The following CDH23 variants were observed in gnomAD, a reference collection of about 807,000 sequenced individuals.
CDH23 encodes cadherin-23.
In CDH23, 189 loss-of-function variants were observed where a neutral mutation model predicts 317.1. The ratio of observed to expected loss-of-function variants is 0.60; its 90% CI spans 0.53 to 0.67. The LOEUF is 0.67. Among genes scored for constraint, CDH23 ranks in the 30% least tolerant of loss-of-function variants. CDH23 has a pLI of 0.00. For synonymous variants in CDH23, 1,839 were observed against 1,876.8 expected, an observed-to-expected ratio of 0.98 and a Z score of 0.52; for missense variants, 4,401 against 4,592.4, an observed-to-expected ratio of 0.96 and a Z score of 1.20.
At chr10:71,767,655 C>T (rs749477486) in intron 38 of CDH23, among the ~76,000 whole-genome samples, 13 of 152,202 alleles carry the variant, frequency 8.5e-5, no homozygotes, top group Non-Finnish European at 1.6e-4. Flanking sequence ...ACTGGGGCTG[C>T]CAAGGCTAAG....
intron 11 of CDH23, among the ~76,000 whole-genome samples, chr10:71,619,646 G>A: frequency 6.6e-6 from 1 of 152,222 alleles, no homozygotes. Context: ...TATGGTGAGA[G>A]GGGCCTAGGG....
At chr10:71,662,736 A>T (rs1382844097) in intron 14 of CDH23, among the ~76,000 whole-genome samples, 1 of 152,136 alleles carries the variant, frequency 6.6e-6, no homozygotes, top group African/African-American at 2.4e-5. Flanking sequence ...GTCCTTTCTG[A>T]CTGTGAGCTT....
At position 71,806,041 on chromosome 10, in the gene CDH23, C is replaced by A. The variant is rs1260091083; in HGVS notation, c.8064+44C>A. ...GCGAGGGGCGGGGTCTGGGGCGGGG[C>A]TTTCTTCTGGGGGCGGGTCTTGCAC... On this transcript the variant is annotated intron_variant, in intron 56 of 69. Transcript: ENST00000224721. 5.8e-6 allele frequency: 9 copies of A among 1,539,868 alleles called. No homozygotes were observed. In the East Asian group the frequency reaches 9.6e-5, roughly 16 times the overall value.
chr10:71,667,392 G>A (rs12414254), intron 14 of CDH23, among the ~76,000 whole-genome samples: 6,186 of 101,938 alleles, frequency 0.061, 501 homozygotes, highest in African/African-American at 0.18. Context: ...GTGTGTGTGT[G>A]TGTGCGCGTG....
intron 9 of CDH23, among the ~76,000 whole-genome samples, chr10:71,600,168 A>C (rs1860125442): frequency 6.6e-6 from 1 of 151,742 alleles, no homozygotes; most frequent in Non-Finnish European, 1.5e-5. Flanking sequence ...ACACCCGGCT[A>C]ATTTTGTACT....
At chr10:71,612,981 T>C (rs1333350968) in intron 9 of CDH23, among the ~76,000 whole-genome samples, 12 of 152,192 alleles carry the variant, frequency 7.9e-5, no homozygotes. Context: ...CCTGAGTAGC[T>C]GGAATTACAG....
chr10:71,510,595 T>G (rs1853912772), intron 4 of CDH23, among the ~76,000 whole-genome samples: 1 of 152,048 alleles, frequency 6.6e-6, no homozygotes, highest in African/African-American at 2.4e-5. Context: ...CTTAGCAAGT[T>G]AAGGTAAAGA....
chr10:71,694,214 A>C lies in CDH23; in HGVS notation c.2244A>C (p.Ala748=). Residue 748 remains alanine (A), a synonymous_variant, in exon 21 of 70, where the codon GCA becomes GCC. Transcript: ENST00000224721. ...TKSEYILIVR[A]VDGGVGHNQK... ...CTGAATACATCCTCATCGTTCGCGC[A>C]GTGGACGGGGGTGTGGGCCACAACC... The C allele has an allele frequency of 6.2e-7, 1 of 1,613,654 alleles. No individual in the cohort carries two copies. Among genetic ancestry groups the C allele is most frequent in the Non-Finnish European group, 8.5e-7 (1 of 1,179,830 alleles).
At chr10:71,581,898 A>AC (rs894177660) in intron 9 of CDH23, among the ~76,000 whole-genome samples, 10 of 151,726 alleles carry the variant, frequency 6.6e-5, no homozygotes, top group East Asian at 1.9e-4. Context: ...AGCTGCACTC[A>AC]CCCCCCCAAC....
At chr10:71,539,635 T>C (rs1855884513) in intron 6 of CDH23, among the ~76,000 whole-genome samples, 1 of 152,088 alleles carries the variant, frequency 6.6e-6, no homozygotes. Context: ...CTCTCCTCCT[T>C]GGAGAACTAT....
chr10:71,762,027 C>A, intron 38 of CDH23: 1 of 1,592,594 alleles, frequency 6.3e-7, no homozygotes, highest in Non-Finnish European at 8.6e-7. Flanking sequence ...GCCACCGGAC[C>A]TGCTCAGAGA....
At chr10:71,694,683 C>T (rs545115580) in intron 21 of CDH23, among the ~76,000 whole-genome samples, 2 of 152,042 alleles carry the variant, frequency 1.3e-5, no homozygotes, top group Non-Finnish European at 2.9e-5. Flanking sequence ...CTAATGTGCC[C>T]CAGAGAGTAG....
intron 47 of CDH23, among the ~76,000 whole-genome samples, chr10:71,792,751 A>G (rs7898812): frequency 0.79 from 114,779 of 145,538 alleles, 45,285 homozygotes; most frequent in African/African-American, 0.84. Flanking sequence ...GAACCTGGGA[A>G]GCAGAGGTTG....
chr10:71,811,668 C>T (rs988844574), intron 64 of CDH23, 45 bp from the exon 65 acceptor site: 8 of 1,613,676 alleles, frequency 5.0e-6, no homozygotes, highest in South Asian at 3.3e-5. Context: ...GGGCCTGAGA[C>T]GTCAGCTTGG....
chr10:71,762,014 G>A, intron 38 of CDH23: 1 of 1,602,270 alleles, frequency 6.2e-7, no homozygotes. Context: ...GACCTTGAAG[G>A]CTGCCACCGG....
chr10:71,588,636 C>T (rs1006671878), intron 9 of CDH23, among the ~76,000 whole-genome samples: 4 of 152,182 alleles, frequency 2.6e-5, no homozygotes, highest in African/African-American at 9.7e-5. Context: ...TTCACTGACT[C>T]GTGGCCTTCC....
intron 11 of CDH23, among the ~76,000 whole-genome samples, chr10:71,640,356 A>G (rs150844303): frequency 4.6e-5 from 7 of 152,320 alleles, no homozygotes; most frequent in Admixed American, 1.3e-4. Flanking sequence ...TTACAGGCCA[A>G]TGCTCTTCAG....
intron 6 of CDH23, among the ~76,000 whole-genome samples, chr10:71,555,044 A>C (rs1383928085): frequency 1.3e-5 from 2 of 152,182 alleles, no homozygotes; most frequent in African/African-American, 4.8e-5. Context: ...GCTTGTTTCC[A>C]AGTCCCTACT....
chr10:71,729,215 G>A (rs142674836), intron 30 of CDH23, among the ~76,000 whole-genome samples: 3 of 152,312 alleles, frequency 2.0e-5, no homozygotes, highest in Admixed American at 6.5e-5. Flanking sequence ...GCTGGTAAGC[G>A]GTGAGGAAAA....
Sources: allele counts gnomAD v4.1 joint callset (sites outside exome capture counted in the v4.1 genomes callset), GRCh38; gene constraint gnomAD v4.1.1; transcripts MANE v1.5; gene names NCBI Gene and HGNC (gene_info 2026-07-23, HGNC 2026-07-21).